ZC3H12B: variants seen among roughly 807,000 people sequenced by gnomAD.
ZC3H12B encodes zinc finger CCCH-type containing 12B.
In ZC3H12B, 7 loss-of-function variants were observed where a neutral mutation model predicts 43.9. The observed-to-expected ratio is 0.16, with a 90% CI of 0.09 to 0.30. The LOEUF is 0.30. Ranked by LOEUF, ZC3H12B falls within the 10% of genes least tolerant of loss-of-function variation. The pLI, the probability that ZC3H12B is intolerant of heterozygous loss-of-function variation, is 1.00. For missense variants in ZC3H12B, 475 were observed against 670.2 expected (o/e 0.71, Z 3.22); for synonymous variants, 222 against 241.7 (o/e 0.92, Z 0.76).
At chrX:65,211,058 C>G in the ZC3H12B span, among the ~76,000 whole-genome samples, 2 of 53,501 alleles carry the variant, frequency 3.7e-5, no homozygotes, top group Admixed American at 2.5e-4. Flanking sequence ...TACCCTAAAA[C>G]TTAGAGTATA....
chrX:65,318,088 G>T, the ZC3H12B span, among the ~76,000 whole-genome samples: 9 of 108,787 alleles, frequency 8.3e-5, no homozygotes, highest in Admixed American at 2.0e-4. Context: ...TTTCTTTAAG[G>T]AATCTCCACA....
the ZC3H12B span, among the ~76,000 whole-genome samples, chrX:65,068,105 C>CTTTTTTTTTTT: frequency 3.8e-4 from 23 of 60,735 alleles, no homozygotes; most frequent in African/African-American, 1.2e-3. Flanking sequence ...CTTGATGTTA[C>CTTTTTTTTTTT]TTTTTTTTTT....
the ZC3H12B span, among the ~76,000 whole-genome samples, chrX:65,281,063 G>A: frequency 9.0e-6 from 1 of 110,550 alleles, no homozygotes. Flanking sequence ...AATAGCCAAA[G>A]TAATTCTGAT....
At chrX:65,061,722 G>A in the ZC3H12B span, among the ~76,000 whole-genome samples, 2 of 112,100 alleles carry the variant, frequency 1.8e-5, no homozygotes, top group African/African-American at 6.5e-5. Context: ...TCTCATTCTA[G>A]ATCCCTGAGG....
At chrX:65,276,140 C>A in the ZC3H12B span, among the ~76,000 whole-genome samples, 1 of 110,423 alleles carries the variant, frequency 9.1e-6, no homozygotes, top group Non-Finnish European at 1.9e-5. Flanking sequence ...ATAACACAGG[C>A]AGACAAAAAA....
intron 2 of ZC3H12B, among the ~76,000 whole-genome samples, chrX:65,373,605 G>A (rs1198695761): frequency 9.4e-6 from 1 of 106,656 alleles, no homozygotes; most frequent in Non-Finnish European, 1.9e-5. Context: ...CATGGATGAA[G>A]CTGGAAACCA....
At chrX:65,161,580 G>A in the ZC3H12B span, among the ~76,000 whole-genome samples, 1 of 111,333 alleles carries the variant, frequency 9.0e-6, no homozygotes, top group Non-Finnish European at 1.9e-5. Context: ...GACTAGGATT[G>A]CAACCCCTGC....
At chrX:65,287,996 A>ATATATATATATATATATATATATG in the ZC3H12B span, among the ~76,000 whole-genome samples, 9 of 106,456 alleles carry the variant, frequency 8.5e-5, no homozygotes, top group African/African-American at 3.2e-4. Context: ...ATACATATAT[A>ATATATATATATATATATATATATG]TATATATATA....
the ZC3H12B span, among the ~76,000 whole-genome samples, chrX:65,340,121 C>G: frequency 1.8e-5 from 2 of 111,918 alleles, no homozygotes; most frequent in East Asian, 5.7e-4. Flanking sequence ...AACAGTGAAC[C>G]TTCCCTCACG....
At chrX:65,053,716 T>C in the ZC3H12B span, among the ~76,000 whole-genome samples, 1 of 111,662 alleles carries the variant, frequency 9.0e-6, no homozygotes, top group Non-Finnish European at 1.9e-5. Context: ...TAGTTTACAG[T>C]CCCACCAACA....
chrX:65,091,274 A>T, the ZC3H12B span, among the ~76,000 whole-genome samples: 188 of 111,995 alleles, frequency 1.7e-3, no homozygotes, highest in Non-Finnish European at 3.0e-3. Flanking sequence ...GGGGCAAAGG[A>T]ATGCAAGGAA....
At chrX:65,262,521 G>A in the ZC3H12B span, among the ~76,000 whole-genome samples, 4 of 111,213 alleles carry the variant, frequency 3.6e-5, no homozygotes, top group South Asian at 7.4e-4. Flanking sequence ...TAGTTTTATC[G>A]TGGTAAGGAT....
the ZC3H12B span, among the ~76,000 whole-genome samples, chrX:65,069,304 C>T: frequency 9.6e-6 from 1 of 104,684 alleles, no homozygotes; most frequent in African/African-American, 3.5e-5. Flanking sequence ...CGTAGGCGTG[C>T]TTCATCATTT....
chrX:65,230,746 G>T, the ZC3H12B span, among the ~76,000 whole-genome samples: 3 of 111,103 alleles, frequency 2.7e-5, no homozygotes, highest in Non-Finnish European at 5.7e-5. Flanking sequence ...CTATGGATTT[G>T]TATCAACATC....
intron 3 of ZC3H12B, among the ~76,000 whole-genome samples, chrX:65,455,108 T>G (rs1360683337): frequency 1.8e-5 from 2 of 112,131 alleles, no homozygotes; most frequent in African/African-American, 3.2e-5. Context: ...TCAACAGCAA[T>G]GCAACAAAGC....
intron 3 of ZC3H12B, among the ~76,000 whole-genome samples, chrX:65,460,772 G>A (rs936775894): frequency 9.0e-6 from 1 of 111,374 alleles, no homozygotes; most frequent in Admixed American, 9.6e-5. Flanking sequence ...GAAAACCTAG[G>A]CAATACCATT....
the ZC3H12B span, among the ~76,000 whole-genome samples, chrX:65,061,466 T>A: frequency 8.9e-6 from 1 of 112,445 alleles, no homozygotes; most frequent in Non-Finnish European, 1.9e-5. Flanking sequence ...GGTTTCCAGT[T>A]TCATCCATGT....
intron 1 of ZC3H12B, among the ~76,000 whole-genome samples, chrX:65,491,370 C>A (rs761305374): frequency 8.9e-6 from 1 of 111,775 alleles, no homozygotes; most frequent in East Asian, 2.8e-4. Flanking sequence ...CTCCAATTCT[C>A]TTTTCATAAT....
At chrX:65,069,621 C>G in the ZC3H12B span, among the ~76,000 whole-genome samples, 1 of 111,853 alleles carries the variant, frequency 8.9e-6, no homozygotes, top group East Asian at 2.8e-4. Flanking sequence ...CAAGCCAGGC[C>G]TGTGTCCTCC....
Sources: allele counts gnomAD v4.1 joint callset (sites outside exome capture counted in the v4.1 genomes callset), GRCh38; gene constraint gnomAD v4.1.1; transcripts MANE v1.5; gene names NCBI Gene and HGNC (gene_info 2026-07-23, HGNC 2026-07-21).